The following KHDRBS2 variants were observed in gnomAD, a reference collection of about 807,000 sequenced individuals.
KHDRBS2 encodes the protein KH RNA binding domain containing, signal transduction associated 2, also known as KH domain-containing, RNA-binding, signal transduction-associated protein 2.
KHDRBS2 carries 26 observed loss-of-function variants against 44.3 expected under a neutral mutation model. That is an observed-to-expected ratio of 0.59 (90% confidence interval 0.43 to 0.81). The LOEUF is 0.81. KHDRBS2 is among the 40% of genes least tolerant of loss of function. The pLI is 0.00. For synonymous variants in KHDRBS2, 194 were observed against 151.1 expected, an observed-to-expected ratio of 1.28 and a Z score of -2.08; for missense variants, 476 against 433.1, an observed-to-expected ratio of 1.10 and a Z score of -0.88.
chr6:61,969,077 G>T (rs966040333), intron 4 of KHDRBS2, among the ~76,000 whole-genome samples: 3 of 151,986 alleles, frequency 2.0e-5, no homozygotes, highest in African/African-American at 7.2e-5. Flanking sequence ...ATCCACATAG[G>T]TATTGAGATA....
At chr6:61,823,073 G>C (rs1023572812) in intron 6 of KHDRBS2, among the ~76,000 whole-genome samples, 3 of 151,890 alleles carry the variant, frequency 2.0e-5, no homozygotes, top group African/African-American at 7.2e-5. Flanking sequence ...GCATGATGGG[G>C]TCATTCTAGC....
At chr6:61,855,441 C>T (rs1562309745) in intron 6 of KHDRBS2, among the ~76,000 whole-genome samples, 2 of 151,440 alleles carry the variant, frequency 1.3e-5, no homozygotes, top group East Asian at 1.9e-4. Context: ...ATAATAGGTG[C>T]CTCCTAGGTT....
At chr6:61,927,739 G>A (rs1366106133) in intron 4 of KHDRBS2, among the ~76,000 whole-genome samples, 5 of 152,028 alleles carry the variant, frequency 3.3e-5, no homozygotes, top group Non-Finnish European at 7.4e-5. Context: ...ACAATAAATC[G>A]ATGAAAGTAT....
At chr6:61,729,466 A>G (rs1774096171) in intron 7 of KHDRBS2, among the ~76,000 whole-genome samples, 1 of 152,132 alleles carries the variant, frequency 6.6e-6, no homozygotes, top group Non-Finnish European at 1.5e-5. Flanking sequence ...CGAAGAGAAG[A>G]ACTGCTGGGT....
chr6:62,172,090 A>T (rs1189387250), intron 2 of KHDRBS2, among the ~76,000 whole-genome samples: 2 of 152,166 alleles, frequency 1.3e-5, no homozygotes. Flanking sequence ...CTAACCTTGA[A>T]TATAAATGGG....
At chr6:61,963,959 A>G (rs1179087015) in intron 4 of KHDRBS2, among the ~76,000 whole-genome samples, 1 of 152,018 alleles carries the variant, frequency 6.6e-6, no homozygotes, top group Non-Finnish European at 1.5e-5. Flanking sequence ...CAAAAAGACA[A>G]CTTTTAAGAT....
chr6:61,725,552 C>T (rs1203259242), intron 7 of KHDRBS2, among the ~76,000 whole-genome samples: 2 of 151,122 alleles, frequency 1.3e-5, no homozygotes, highest in African/African-American at 2.4e-5. Context: ...GTTATCTAGC[C>T]TAATAAAGAA....
At chr6:61,944,494 G>A (rs1812802459) in intron 4 of KHDRBS2, among the ~76,000 whole-genome samples, 1 of 152,082 alleles carries the variant, frequency 6.6e-6, no homozygotes, top group Non-Finnish European at 1.5e-5. Context: ...ACCACAGGTA[G>A]GGAAGGGTGT....
chr6:61,700,556 T>C (rs1282487134), intron 7 of KHDRBS2, among the ~76,000 whole-genome samples: 1 of 151,606 alleles, frequency 6.6e-6, no homozygotes, highest in Non-Finnish European at 1.5e-5. Flanking sequence ...AATGTTTACT[T>C]GGACAAATGG....
the KHDRBS2 span, among the ~76,000 whole-genome samples, chr6:61,601,364 T>C: frequency 1.3e-5 from 2 of 152,116 alleles, no homozygotes; most frequent in Non-Finnish European, 2.9e-5. Context: ...CCTTAGCCTG[T>C]GTTCTCAAGA....
chr6:62,047,125 C>G (rs1034857037), intron 3 of KHDRBS2, among the ~76,000 whole-genome samples: 1 of 151,836 alleles, frequency 6.6e-6, no homozygotes, highest in African/African-American at 2.4e-5. Flanking sequence ...AATAACATTA[C>G]CAAGTCACAA....
intron 6 of KHDRBS2, among the ~76,000 whole-genome samples, chr6:61,768,655 C>T (rs1293753951): frequency 2.6e-5 from 4 of 151,940 alleles, no homozygotes; most frequent in Non-Finnish European, 2.9e-5. Context: ...GACTCTGATG[C>T]ATTTTTCAGT....
At chr6:61,581,819 A>G in the KHDRBS2 span, among the ~76,000 whole-genome samples, 92,495 of 150,486 alleles carry the variant, frequency 0.61, 28,614 homozygotes, top group Middle Eastern at 0.65. Flanking sequence ...AGAGATATGC[A>G]GATAGCTTTA....
chr6:61,756,136 C>T (rs1198051384), intron 6 of KHDRBS2, among the ~76,000 whole-genome samples: 1 of 152,104 alleles, frequency 6.6e-6, no homozygotes, highest in African/African-American at 2.4e-5. Context: ...CTAAACCAGA[C>T]ATATTGTTTG....
chr6:61,709,644 A>T (rs1236999507), intron 7 of KHDRBS2, among the ~76,000 whole-genome samples: 1 of 151,614 alleles, frequency 6.6e-6, no homozygotes, highest in Non-Finnish European at 1.5e-5. Flanking sequence ...ATTTTATAAC[A>T]AAACACTAAT....
At chr6:61,768,989 A>G (rs1344998346) in intron 6 of KHDRBS2, among the ~76,000 whole-genome samples, 2 of 152,078 alleles carry the variant, frequency 1.3e-5, no homozygotes, top group Non-Finnish European at 2.9e-5. Flanking sequence ...AAAGAATTAT[A>G]TTGCCAGTCC....
chr6:61,939,018 C>T (rs1267998524), intron 4 of KHDRBS2, among the ~76,000 whole-genome samples: 1 of 152,096 alleles, frequency 6.6e-6, no homozygotes, highest in African/African-American at 2.4e-5. Flanking sequence ...CATTCAGAGA[C>T]ATTTTTGATT....
intron 4 of KHDRBS2, among the ~76,000 whole-genome samples, chr6:61,932,877 G>A (rs949700800): frequency 3.3e-5 from 5 of 151,956 alleles, no homozygotes; most frequent in Non-Finnish European, 2.9e-5. Flanking sequence ...ACTGTCCTAC[G>A]GGTTCATCCC....
rs531443897 is a variant in KHDRBS2 at position 62,100,781 on chromosome 6, G to T, written c.220-52787C>A. Among the ~76,000 whole-genome samples the T allele has an allele frequency of 5.3e-5, 8 of 152,150 alleles. 1 individual carries two copies. Among genetic ancestry groups the T allele is most frequent in the Admixed American group, 3.3e-4 (5 of 15,288 alleles). On this transcript the variant is annotated intron_variant, in intron 2 of 8. Transcript: ENST00000281156. ...TGTAGCATAAACCTAACTTTTATAT[G>T]CACTGGGAAACCAGATAATTTGTGT...
Sources: gnomAD v4.1 joint callset for allele counts (sites outside exome capture counted in the v4.1 genomes callset) on GRCh38, gnomAD v4.1.1 for gene constraint, MANE v1.5 for transcripts, NCBI Gene and HGNC (gene_info 2026-07-23, HGNC 2026-07-21) for gene names.